The following MARCHF1 variants were observed in gnomAD, a reference collection of about 807,000 sequenced individuals.
The protein encoded by MARCHF1 is E3 ubiquitin-protein ligase MARCHF1.
Under a neutral mutation model 54.2 loss-of-function variants are expected in MARCHF1, and 40 were observed. The ratio of observed to expected loss-of-function variants is 0.74; its 90% CI spans 0.57 to 0.96. The LOEUF (loss-of-function observed/expected upper bound fraction) is 0.96, where lower values mean the gene tolerates loss of function less well. MARCHF1 is among the 40% of genes least tolerant of loss of function. MARCHF1 has a pLI of 0.00. For missense variants in MARCHF1, 586 were observed against 656.5 expected, an observed-to-expected ratio of 0.89 and a Z score of 1.17; for synonymous variants, 236 against 236.3, an observed-to-expected ratio of 1.00 and a Z score of 0.01.
intron 5 of MARCHF1, among the ~76,000 whole-genome samples, chr4:163,630,639 G>T (rs1360069280): frequency 6.6e-6 from 1 of 152,118 alleles, no homozygotes; most frequent in Admixed American, 6.5e-5. Flanking sequence ...GCTATAGTGT[G>T]CAAAATGGAT....
intron 3 of MARCHF1, among the ~76,000 whole-genome samples, chr4:163,954,164 T>C (rs1752187721): frequency 6.6e-6 from 1 of 152,184 alleles, no homozygotes; most frequent in Non-Finnish European, 1.5e-5. Flanking sequence ...ATTCTTTCAC[T>C]TATTAAAATT....
At chr4:163,736,168 G>A (rs1746028677) in intron 4 of MARCHF1, among the ~76,000 whole-genome samples, 1 of 151,926 alleles carries the variant, frequency 6.6e-6, no homozygotes. Context: ...TTACTTTAAG[G>A]AATTACTTTA....
At chr4:163,816,031 T>C (rs1050800224) in intron 4 of MARCHF1, among the ~76,000 whole-genome samples, 5 of 152,182 alleles carry the variant, frequency 3.3e-5, no homozygotes, top group African/African-American at 1.2e-4. Context: ...TTTCTATGGG[T>C]TACCAGAAAT....
intron 1 of MARCHF1, among the ~76,000 whole-genome samples, chr4:164,127,171 C>T (rs1331241329): frequency 6.6e-6 from 1 of 152,146 alleles, no homozygotes; most frequent in Admixed American, 6.6e-5. Context: ...TTTCTGTCCT[C>T]GTGTTTTGTG....
chr4:164,370,534 G>A lies in MARCHF1; in HGVS notation c.-323+13336C>T, dbSNP rs147146391. Among the ~76,000 whole-genome samples the A allele has an allele frequency of 6.2e-3, 946 of 152,300 alleles. 7 individuals carry two copies. The highest frequency in any genetic ancestry group is 0.051 in the Middle Eastern group (15 of 294). On this transcript the variant is annotated intron_variant, in intron 1 of 9. Transcript: ENST00000514618. ...AGAAGTTAGAAGCCAAAGAAGTGCA[G>A]GAGTTGCAGCTCCATGGAGAAAGGC...
chr4:163,591,218 T>C (rs1363786846), intron 7 of MARCHF1, among the ~76,000 whole-genome samples: 1 of 151,980 alleles, frequency 6.6e-6, no homozygotes, highest in Non-Finnish European at 1.5e-5. Flanking sequence ...CCTGAGTGTA[T>C]TGCATTCTCT....
intron 1 of MARCHF1, among the ~76,000 whole-genome samples, chr4:164,161,554 G>T (rs746780822): frequency 0.018 from 1,591 of 88,426 alleles, 7 homozygotes; most frequent in Middle Eastern, 0.036. Flanking sequence ...ATCAGCAGCA[G>T]CAGCAGCAGC....
chr4:163,653,254 T>C (rs1056521616), intron 5 of MARCHF1, among the ~76,000 whole-genome samples: 3 of 151,750 alleles, frequency 2.0e-5, no homozygotes, highest in African/African-American at 7.3e-5. Flanking sequence ...TCTGATATGA[T>C]TGCAGCAGAG....
At chr4:163,934,397 A>AT (rs138272465) in intron 3 of MARCHF1, among the ~76,000 whole-genome samples, 28 of 149,224 alleles carry the variant, frequency 1.9e-4, no homozygotes, top group Middle Eastern at 3.5e-3. Context: ...CATCTCTGCA[A>AT]TTTTTTTTTT....
At chr4:163,795,026 T>C (rs934968973) in intron 4 of MARCHF1, among the ~76,000 whole-genome samples, 1 of 152,192 alleles carries the variant, frequency 6.6e-6, no homozygotes, top group Non-Finnish European at 1.5e-5. Context: ...AGATTCAGTT[T>C]ATCATTTTTA....
chr4:164,093,795 C>T (rs1014818476), intron 2 of MARCHF1, among the ~76,000 whole-genome samples: 3 of 152,034 alleles, frequency 2.0e-5, no homozygotes, highest in African/African-American at 7.2e-5. Flanking sequence ...GCACAGCACC[C>T]TTAATGTATG....
intron 1 of MARCHF1, among the ~76,000 whole-genome samples, chr4:164,130,428 T>C (rs1234472699): frequency 6.6e-6 from 1 of 152,174 alleles, no homozygotes; most frequent in African/African-American, 2.4e-5. Context: ...TACTGTTCCC[T>C]TTTTCACTCC....
At chr4:163,971,230 G>A (rs1324512543) in intron 3 of MARCHF1, among the ~76,000 whole-genome samples, 1 of 152,218 alleles carries the variant, frequency 6.6e-6, no homozygotes, top group Non-Finnish European at 1.5e-5. Flanking sequence ...GGGATAGAGT[G>A]TAAGGCAGGA....
chr4:163,814,901 C>G (rs974888652), intron 4 of MARCHF1, among the ~76,000 whole-genome samples: 1 of 152,084 alleles, frequency 6.6e-6, no homozygotes, highest in Admixed American at 6.6e-5. Flanking sequence ...GTCAGTACCT[C>G]TTTTTAGAAT....
intron 1 of MARCHF1, among the ~76,000 whole-genome samples, chr4:164,214,674 G>A (rs1731877444): frequency 6.6e-6 from 1 of 152,142 alleles, no homozygotes; most frequent in South Asian, 2.1e-4. Flanking sequence ...TTAGATAACT[G>A]TGGTCAAGGG....
In MARCHF1 at chr4:163,527,933, G is replaced by T. The variant is rs1391898712; in HGVS notation, c.*815C>A. 6.6e-6 allele frequency: 1 copy of T among 152,370 alleles called. No homozygotes were observed. Among genetic ancestry groups the T allele is most frequent in the East Asian group, 1.9e-4 (1 of 5,192 alleles). 9.4% of individuals were successfully genotyped at this position (152,370 alleles called of 1,614,324 possible). On this transcript the variant is annotated 3_prime_UTR_variant, in exon 10 of 10. Coordinates refer to ENST00000514618, the MANE Select transcript of MARCHF1 (RefSeq NM_001394959.1). ...ATTTATTTTTACTTTTTAAAATAGG[G>T]CTACTGGGAAGTTAAATATTTGCAT...
chr4:163,524,476 A>G (rs1460632669), downstream of MARCHF1: 1 of 152,184 alleles, frequency 6.6e-6, no homozygotes. Context: ...TTTAGATTAC[A>G]TTGTGATTTC....
intron 1 of MARCHF1, among the ~76,000 whole-genome samples, chr4:164,184,620 T>C (rs1487572791): frequency 6.6e-6 from 1 of 152,188 alleles, no homozygotes; most frequent in Non-Finnish European, 1.5e-5. Context: ...TGATAAAGAC[T>C]CATACAGAAT....
intron 4 of MARCHF1, among the ~76,000 whole-genome samples, chr4:163,739,021 A>G (rs1160743071): frequency 6.6e-6 from 1 of 152,212 alleles, no homozygotes; most frequent in Non-Finnish European, 1.5e-5. Context: ...AGTTCTCTTC[A>G]AAAGTTAGTG....
Sources: allele counts gnomAD v4.1 joint callset (sites outside exome capture counted in the v4.1 genomes callset), GRCh38; gene constraint gnomAD v4.1.1; transcripts MANE v1.5; gene names NCBI Gene and HGNC (gene_info 2026-07-23, HGNC 2026-07-21).